Variants in HECW1 observed in about 807,000 individuals in gnomAD.
HECW1 encodes HECT, C2 and WW domain containing E3 ubiquitin protein ligase 1, also known as E3 ubiquitin-protein ligase HECW1.
A neutral mutation model predicts 182.3 loss-of-function variants in HECW1; 61 were observed. That is an observed-to-expected ratio of 0.33 (90% CI 0.27 to 0.41). HECW1 has a LOEUF of 0.41. HECW1 is among the 10% of genes least tolerant of loss of function. The probability of loss-of-function intolerance (pLI) is 1.00; values close to 1 mark genes in which losing one functional copy is unlikely to be tolerated. For missense variants in HECW1, 1,739 were observed against 2,108.9 expected, an observed-to-expected ratio of 0.82 and a Z score of 3.44; for synonymous variants, 859 against 832.6, an observed-to-expected ratio of 1.03 and a Z score of -0.55.
chr7:43,512,327 C>A (rs1179034998), intron 24 of HECW1, among the ~76,000 whole-genome samples: 2 of 152,182 alleles, frequency 1.3e-5, no homozygotes, highest in Non-Finnish European at 2.9e-5. Flanking sequence ...TGCCCACCTC[C>A]CTTCACTCTG....
intron 3 of HECW1, among the ~76,000 whole-genome samples, chr7:43,283,407 GA>G (rs1413894494): frequency 6.6e-6 from 1 of 152,138 alleles, no homozygotes; most frequent in East Asian, 1.9e-4. Context: ...GACATTTTCA[GA>G]AATGTTAAAT....
intron 2 of HECW1, among the ~76,000 whole-genome samples, chr7:43,154,848 G>C (rs1033434264): frequency 6.6e-6 from 1 of 152,104 alleles, no homozygotes; most frequent in African/African-American, 2.4e-5. Context: ...GAAAGGTTAG[G>C]CATTATCTTT....
intron 2 of HECW1, among the ~76,000 whole-genome samples, chr7:43,130,085 T>A (rs1463025058): frequency 6.6e-6 from 1 of 151,426 alleles, no homozygotes; most frequent in African/African-American, 2.4e-5. Flanking sequence ...ATAAATACAA[T>A]TTTTTTTAAG....
intron 2 of HECW1, among the ~76,000 whole-genome samples, chr7:43,141,782 A>G (rs6944604): frequency 0.45 from 68,282 of 151,992 alleles, 15,463 homozygotes; most frequent in African/African-American, 0.46. Context: ...ACAGGTGTGA[A>G]CCACCGCACC....
At chr7:43,333,785 C>T (rs890535077) in intron 5 of HECW1, among the ~76,000 whole-genome samples, 3 of 152,136 alleles carry the variant, frequency 2.0e-5, no homozygotes, top group Non-Finnish European at 2.9e-5. Flanking sequence ...GGGAAGGGGC[C>T]AGATGGTCTC....
chr7:43,488,265 G>A lies in HECW1; in HGVS notation c.3235-3810G>A, dbSNP rs374421148. Among the ~76,000 whole-genome samples, 367 of 150,238 alleles carry A rather than the reference G, an allele frequency of 2.4e-3. 1 individual carries two copies. The highest frequency in any genetic ancestry group is 8.5e-3 in the African/African-American group (346 of 40,732). Reference sequence around the variant, plus strand: ...GCAGAGGTTGCAGTGAGCCAAGATCGCGCCACTGCACTCCAGCCTAGGCAA... The same window carrying A: ...GCAGAGGTTGCAGTGAGCCAAGATCACGCCACTGCACTCCAGCCTAGGCAA... On this transcript the variant is annotated intron_variant, in intron 17 of 29. Transcript: ENST00000395891.
intron 7 of HECW1, 95 bp from the exon 8 acceptor site, chr7:43,407,467 G>C (rs2075649416): frequency 1.1e-6 from 1 of 872,254 alleles, no homozygotes. Context: ...TAGTTCATAA[G>C]GGCCAATGGT....
At position 43,126,250 on chromosome 7, in the gene HECW1, A is replaced by G. The variant is rs752074209; in HGVS notation, c.-32+11859A>G. On this transcript the variant is annotated intron_variant, in intron 2 of 29. Transcript: ENST00000395891. ...ATTGTGCAAACCTTCTTCATCATCT[A>G]TATCTCTTCCCCACCACTAGAAAAA... Among the ~76,000 whole-genome samples, 94 of 151,890 alleles carry G rather than the reference A, an allele frequency of 6.2e-4. No individual in the cohort carries two copies. In the Middle Eastern group the frequency reaches 0.017, roughly 28 times the overall value.
chr7:43,224,284 A>G (rs1306365785), intron 2 of HECW1, among the ~76,000 whole-genome samples: 2 of 152,224 alleles, frequency 1.3e-5, no homozygotes, highest in East Asian at 3.8e-4. Context: ...GAGTTGGGGA[A>G]TATCAGTAAG....
intron 19 of HECW1, among the ~76,000 whole-genome samples, chr7:43,498,274 G>A (rs546530241): frequency 1.4e-4 from 22 of 152,324 alleles, no homozygotes; most frequent in Admixed American, 9.8e-4. Flanking sequence ...GTGCTGGGTG[G>A]CACTTTCTAA....
chr7:43,197,505 G>A lies in HECW1; in HGVS notation c.-31-46370G>A, dbSNP rs182659019. Among the ~76,000 whole-genome samples the A allele has an allele frequency of 7.6e-4, 115 of 152,240 alleles. 1 individual carries two copies. The highest frequency in any genetic ancestry group is 2.7e-3 in the African/African-American group (111 of 41,536). The stretch of plus-strand genomic sequence containing the variant: ...TGCACAGTGGCCCAAGGAGAGGGTG[G>A]GACCCACCTCTTGGCACAGAGCGAT... On this transcript the variant is annotated intron_variant, in intron 2 of 29. Coordinates refer to ENST00000395891, the MANE Select transcript of HECW1 (RefSeq NM_015052.5).
intron 13 of HECW1, among the ~76,000 whole-genome samples, chr7:43,458,304 C>G (rs1212269654): frequency 1.3e-5 from 2 of 152,130 alleles, no homozygotes; most frequent in Admixed American, 6.5e-5. Context: ...GAACACTAAC[C>G]AAAGCAAGAC....
chr7:43,216,067 G>C (rs1346063869), intron 2 of HECW1, among the ~76,000 whole-genome samples: 2 of 152,214 alleles, frequency 1.3e-5, no homozygotes, highest in Non-Finnish European at 2.9e-5. Context: ...TATTCTGTCT[G>C]TCATTTTATA....
chr7:43,144,658 G>A (rs1788508769), intron 2 of HECW1, among the ~76,000 whole-genome samples: 1 of 152,068 alleles, frequency 6.6e-6, no homozygotes, highest in Admixed American at 6.5e-5. Context: ...GCTGCATTTT[G>A]TGGAGTTTTC....
intron 3 of HECW1, among the ~76,000 whole-genome samples, chr7:43,254,210 G>A (rs946081429): frequency 3.9e-5 from 6 of 152,090 alleles, no homozygotes; most frequent in African/African-American, 9.7e-5. Flanking sequence ...TAGTCTTATC[G>A]TCAGGTCTTT....
intron 7 of HECW1, among the ~76,000 whole-genome samples, chr7:43,403,486 CT>C (rs1186761493): frequency 2.0e-5 from 3 of 152,116 alleles, no homozygotes; most frequent in Admixed American, 6.5e-5. Context: ...TTTGATCCCC[CT>C]GGTAGAGAGC....
chr7:43,233,129 T>C (rs985238279), intron 2 of HECW1, among the ~76,000 whole-genome samples: 1 of 152,178 alleles, frequency 6.6e-6, no homozygotes, highest in Non-Finnish European at 1.5e-5. Flanking sequence ...TCCCAGAACC[T>C]CTATTTCTAT....
In HECW1 at chr7:43,360,878, T is replaced by C. The variant is rs1305670245; in HGVS notation, c.461-8T>C. 1.2e-6 allele frequency: 2 copies of C among 1,611,684 alleles called. No homozygotes were observed. Among genetic ancestry groups the C allele is most frequent in the Admixed American group, 3.3e-5 (2 of 60,030 alleles). ...ACTTCTCAGTCTCATTTTTTGTTTG[T>C]CTTTCAGCTGAAACTAAGATCTGCT... On this transcript the variant is annotated splice_region_variant and splice_polypyrimidine_tract_variant and intron_variant, in intron 5 of 29. Transcript: ENST00000395891.
intron 3 of HECW1, among the ~76,000 whole-genome samples, chr7:43,247,945 A>C: frequency 7.1e-6 from 1 of 141,232 alleles, no homozygotes; most frequent in East Asian, 2.1e-4. Flanking sequence ...GAGAGAGAAA[A>C]AAGGAGGGAA....
Sources: gnomAD v4.1 joint callset for allele counts (sites outside exome capture counted in the v4.1 genomes callset) on GRCh38, gnomAD v4.1.1 for gene constraint, MANE v1.5 for transcripts, NCBI Gene and HGNC (gene_info 2026-07-23, HGNC 2026-07-21) for gene names.